The following DLG2 variants were observed in gnomAD, a reference collection of about 807,000 sequenced individuals.
The protein encoded by DLG2 is discs large MAGUK scaffold protein 2.
Under a neutral mutation model 132.5 loss-of-function variants are expected in DLG2, and 45 were observed. The observed-to-expected ratio is 0.34, with a 90% CI of 0.27 to 0.44. DLG2 has a LOEUF of 0.44. Among genes scored for constraint, DLG2 ranks in the 20% least tolerant of loss-of-function variants. DLG2 has a pLI of 1.00. For missense variants in DLG2, 1,045 were observed against 1,196.9 expected (o/e 0.87, Z 1.87); for synonymous variants, 424 against 419.6 (o/e 1.01, Z -0.13).
At chr11:85,323,853 T>A (rs917146415) in intron 3 of DLG2, among the ~76,000 whole-genome samples, 1 of 152,242 alleles carries the variant, frequency 6.6e-6, no homozygotes, top group Admixed American at 6.5e-5. Flanking sequence ...TATCGCTGAA[T>A]AATATTCCAC....
At chr11:83,958,860 C>A (rs79986457) in intron 14 of DLG2, among the ~76,000 whole-genome samples, 5,974 of 152,148 alleles carry the variant, frequency 0.039, 252 homozygotes, top group African/African-American at 0.1. Context: ...GGCTCTAAAT[C>A]TGATTATACT....
At chr11:85,146,530 G>A (rs747555493) in intron 5 of DLG2, among the ~76,000 whole-genome samples, 1 of 152,092 alleles carries the variant, frequency 6.6e-6, no homozygotes, top group Non-Finnish European at 1.5e-5. Flanking sequence ...ATGCCATCCA[G>A]GAGCTAGGAC....
intron 3 of DLG2, among the ~76,000 whole-genome samples, chr11:85,343,620 T>C (rs985152462): frequency 6.7e-6 from 1 of 150,170 alleles, no homozygotes; most frequent in East Asian, 1.9e-4. Flanking sequence ...GCACACGTTC[T>C]CTCTCTCTCT....
chr11:85,205,146 GTA>G (rs376041155), intron 4 of DLG2, among the ~76,000 whole-genome samples: 3,381 of 141,532 alleles, frequency 0.024, 106 homozygotes, highest in African/African-American at 0.074. Context: ...ATATGTGTGT[GTA>G]TATATATATA....
intron 6 of DLG2, among the ~76,000 whole-genome samples, chr11:84,749,369 G>A (rs1481759292): frequency 6.6e-6 from 1 of 152,162 alleles, no homozygotes; most frequent in Non-Finnish European, 1.5e-5. Flanking sequence ...ATGTTATCAT[G>A]TGCTGCCATA....
chr11:83,877,728 CAAAT>C (rs2065128565), intron 15 of DLG2, among the ~76,000 whole-genome samples: 1 of 152,116 alleles, frequency 6.6e-6, no homozygotes, highest in Non-Finnish European at 1.5e-5. Flanking sequence ...TCTTCTAAGA[CAAAT>C]ACAGTGAACT....
At chr11:83,643,832 G>C (rs979417108) in intron 18 of DLG2, 2 of 150,722 alleles carry the variant, frequency 1.3e-5, no homozygotes, top group Admixed American at 6.6e-5. Context: ...TCTAGTCCTA[G>C]TTTCATTCAG....
intron 6 of DLG2, among the ~76,000 whole-genome samples, chr11:84,697,340 G>C (rs1357307443): frequency 6.6e-6 from 1 of 151,456 alleles, no homozygotes; most frequent in African/African-American, 2.4e-5. Flanking sequence ...AGCCGAATTA[G>C]TATCCCAATC....
chr11:84,173,331 G>C (rs563066455), intron 8 of DLG2, among the ~76,000 whole-genome samples: 2 of 152,244 alleles, frequency 1.3e-5, no homozygotes, highest in African/African-American at 2.4e-5. Context: ...TCATGAGTTT[G>C]TACATGCTCT....
chr11:85,044,727 T>A (rs974106781), intron 6 of DLG2, among the ~76,000 whole-genome samples: 3 of 152,026 alleles, frequency 2.0e-5, no homozygotes, highest in Non-Finnish European at 2.9e-5. Context: ...GTGTAACCCA[T>A]CAGAAAAGCA....
intron 4 of DLG2, among the ~76,000 whole-genome samples, chr11:85,163,351 T>G (rs2078183138): frequency 6.6e-6 from 1 of 152,100 alleles, no homozygotes; most frequent in South Asian, 2.1e-4. Context: ...CAAAATGACA[T>G]TAATATGGAC....
chr11:84,823,581 C>CCA (rs60714512), intron 6 of DLG2, among the ~76,000 whole-genome samples: 26,845 of 134,190 alleles, frequency 0.2, 2,774 homozygotes, highest in East Asian at 0.32. Context: ...GGTTGTATAT[C>CCA]CACACACACA....
intron 7 of DLG2, among the ~76,000 whole-genome samples, chr11:84,275,356 A>ATTTTTT (rs11342389): frequency 6.7e-6 from 1 of 149,344 alleles, no homozygotes. Flanking sequence ...ATGTGCTATA[A>ATTTTTT]TTTTTTTTTT....
At chr11:84,652,686 C>G (rs896582699) in intron 6 of DLG2, among the ~76,000 whole-genome samples, 5 of 152,124 alleles carry the variant, frequency 3.3e-5, no homozygotes, top group African/African-American at 1.2e-4. Flanking sequence ...TTAATACTTA[C>G]TGAATACCAG....
chr11:84,299,687 T>C (rs2098131224), intron 7 of DLG2, among the ~76,000 whole-genome samples: 1 of 152,226 alleles, frequency 6.6e-6, no homozygotes, highest in African/African-American at 2.4e-5. Flanking sequence ...TTGATTTAGT[T>C]ATTGGAAAAA....
intron 7 of DLG2, among the ~76,000 whole-genome samples, chr11:84,391,487 A>G (rs938158712): frequency 6.6e-6 from 1 of 152,162 alleles, no homozygotes; most frequent in Admixed American, 6.5e-5. Context: ...CATCTTTCCA[A>G]CAACCAGTCT....
At chr11:83,878,894 C>T (rs188931650) in intron 15 of DLG2, among the ~76,000 whole-genome samples, 1 of 152,114 alleles carries the variant, frequency 6.6e-6, no homozygotes, top group Admixed American at 6.6e-5. Context: ...TATTACTAAG[C>T]CTTTTTAAGA....
intron 6 of DLG2, among the ~76,000 whole-genome samples, chr11:84,683,681 C>T (rs2099735517): frequency 6.6e-6 from 1 of 152,130 alleles, no homozygotes; most frequent in African/African-American, 2.4e-5. Context: ...GAAGTCGCAG[C>T]ACCATGCCAT....
In DLG2 at chr11:85,220,637, A is replaced by AAAAATATAT. The variant is rs371263007; in HGVS notation, c.186+64582_186+64583insATATATTTT. Among the ~76,000 whole-genome samples the AAAAATATAT allele has an allele frequency of 8.9e-3, 1,313 of 148,234 alleles. 16 individuals carry two copies. The highest frequency in any genetic ancestry group is 0.043 in the East Asian group (216 of 5,030). ...GTTTATTATATCAAATAGAAAAAAA[A>AAAAATATAT]ATATATATATATATATAACTTTATT... On this transcript the variant is annotated intron_variant, in intron 4 of 27. Transcript: ENST00000376104.
Sources: gnomAD v4.1 joint callset for allele counts (sites outside exome capture counted in the v4.1 genomes callset) on GRCh38, gnomAD v4.1.1 for gene constraint, MANE v1.5 for transcripts, NCBI Gene and HGNC (gene_info 2026-07-23, HGNC 2026-07-21) for gene names.